FRYL: variants seen among roughly 807,000 people sequenced by gnomAD.
FRYL encodes the protein FRY like transcription coactivator.
A neutral mutation model predicts 351.2 loss-of-function variants in FRYL; 150 were observed. The observed-to-expected ratio is 0.43, with a 90% CI of 0.37 to 0.49. FRYL has a LOEUF of 0.49. Among genes scored for constraint, FRYL ranks in the 20% least tolerant of loss-of-function variants. The probability of loss-of-function intolerance (pLI) is 0.00; values close to 1 mark genes in which losing one functional copy is unlikely to be tolerated. For missense variants in FRYL, 3,036 were observed against 3,619.3 expected, an observed-to-expected ratio of 0.84 and a Z score of 4.13; for synonymous variants, 1,153 against 1,257.1, an observed-to-expected ratio of 0.92 and a Z score of 1.75.
At chr4:48,592,099 T>TCTAAGTATATATATATATAAA (rs1553941998) in intron 16 of FRYL, among the ~76,000 whole-genome samples, 17 of 40,218 alleles carry the variant, frequency 4.2e-4, no homozygotes, top group African/African-American at 8.1e-4. Flanking sequence ...TATATATATA[T>TCTAAGTATATATATATATAAA]ATATATATAT....
At chr4:48,587,501 G>A (rs1017339268) in intron 18 of FRYL, among the ~76,000 whole-genome samples, 1 of 151,768 alleles carries the variant, frequency 6.6e-6, no homozygotes, top group African/African-American at 2.4e-5. Flanking sequence ...TCCTTATGTA[G>A]AAAAGAATTT....
chr4:48,592,466 GA>G (rs1292364573), intron 16 of FRYL, among the ~76,000 whole-genome samples: 1 of 151,524 alleles, frequency 6.6e-6, no homozygotes, highest in Non-Finnish European at 1.5e-5. Flanking sequence ...CTCCCCCACA[GA>G]AAAAAACCCA....
chr4:48,656,246 T>C (rs1758947799), intron 3 of FRYL, among the ~76,000 whole-genome samples: 1 of 94,426 alleles, frequency 1.1e-5, no homozygotes, highest in African/African-American at 4.4e-5. Flanking sequence ...ATATATATTA[T>C]GAATATATAT....
intron 5 of FRYL, among the ~76,000 whole-genome samples, chr4:48,621,064 AT>A (rs929089934): frequency 6.6e-6 from 1 of 152,184 alleles, no homozygotes; most frequent in Non-Finnish European, 1.5e-5. Flanking sequence ...CATTAGTAAC[AT>A]CCCTGATTAA....
At chr4:48,521,730 T>C (rs913069103) in intron 54 of FRYL, among the ~76,000 whole-genome samples, 3 of 152,206 alleles carry the variant, frequency 2.0e-5, no homozygotes, top group East Asian at 1.9e-4. Context: ...GGGTGCATCG[T>C]AGACAGTCAG....
chr4:48,720,371 C>T (rs1769336848), intron 1 of FRYL, among the ~76,000 whole-genome samples: 1 of 151,910 alleles, frequency 6.6e-6, no homozygotes, highest in Non-Finnish European at 1.5e-5. Context: ...GTGGCATGCA[C>T]CTGTAATCCC....
chr4:48,527,793 A>G (rs1726591396), intron 52 of FRYL, 140 bp from the exon 53 acceptor site: 1 of 997,782 alleles, frequency 1.0e-6, no homozygotes, highest in African/African-American at 1.6e-5. Flanking sequence ...ATGTTTAACT[A>G]GTTGAACACA....
At chr4:48,742,555 G>C (rs1772211994) in intron 1 of FRYL, among the ~76,000 whole-genome samples, 1 of 152,092 alleles carries the variant, frequency 6.6e-6, no homozygotes, top group African/African-American at 2.4e-5. Flanking sequence ...AAAATAGATT[G>C]ATATTGTCAG....
intron 50 of FRYL, 116 bp downstream of exon 50, chr4:48,531,040 T>A: frequency 1.4e-6 from 1 of 710,982 alleles, no homozygotes; most frequent in South Asian, 1.8e-5. Context: ...ATAACAGCTA[T>A]CATATTGTCT....
chr4:48,499,938 T>C, intron 63 of FRYL, 92 bp downstream of exon 63: 1 of 947,370 alleles, frequency 1.1e-6, no homozygotes, highest in Non-Finnish European at 1.6e-6. Context: ...AAAGACATGA[T>C]ATGGAAACAG....
At chr4:48,757,422 C>T (rs896145578) in intron 1 of FRYL, among the ~76,000 whole-genome samples, 2 of 152,188 alleles carry the variant, frequency 1.3e-5, no homozygotes, top group Admixed American at 1.3e-4. Flanking sequence ...GGGCAAAAAT[C>T]ACAAGCATTC....
In FRYL at chr4:48,549,123, C is replaced by T. The variant is rs962794748; in HGVS notation, c.4785-330G>A. ...ACATTTTGAAAGAATGCAGTAATTG[C>T]TCTATTGTGATTTTGCTAAGTAGAA... On this transcript the variant is annotated intron_variant, in intron 39 of 63. Coordinates refer to ENST00000358350, the MANE Select transcript of FRYL (RefSeq NM_015030.2). This position sits in a 1 kb window ranked among gnomAD's most constrained non-coding sequence, Gnocchi z 4.2. Among the ~76,000 whole-genome samples, 1 of 152,084 alleles carries T rather than the reference C, an allele frequency of 6.6e-6. No individual in the cohort carries two copies. The highest frequency in any genetic ancestry group is 1.9e-4 in the East Asian group (1 of 5,196).
At chr4:48,590,197 T>C (rs1340179689) in intron 17 of FRYL, among the ~76,000 whole-genome samples, 3 of 152,098 alleles carry the variant, frequency 2.0e-5, no homozygotes, top group Non-Finnish European at 4.4e-5. Context: ...ACGTATTCAC[T>C]GTGGGCTGAG....
chr4:48,692,339 A>T (rs1765751967), intron 2 of FRYL, among the ~76,000 whole-genome samples: 1 of 152,032 alleles, frequency 6.6e-6, no homozygotes, highest in Admixed American at 6.6e-5. Context: ...CTCCTTTATG[A>T]TTATTTCCTG....
At chr4:48,530,858 CT>C (rs1405229491) in intron 50 of FRYL, among the ~76,000 whole-genome samples, 3 of 152,148 alleles carry the variant, frequency 2.0e-5, no homozygotes, top group Admixed American at 6.5e-5. Context: ...TCCCCTAGCA[CT>C]TTTAATGTAT....
At chr4:48,768,805 A>AT (rs932235082) in intron 1 of FRYL, among the ~76,000 whole-genome samples, 2 of 151,754 alleles carry the variant, frequency 1.3e-5, no homozygotes, top group African/African-American at 4.8e-5. Flanking sequence ...AAAAAAAAAA[A>AT]GGTACAATTC....
chr4:48,707,215 A>G (rs564365130), intron 2 of FRYL, among the ~76,000 whole-genome samples: 1 of 152,266 alleles, frequency 6.6e-6, no homozygotes, highest in East Asian at 1.9e-4. Context: ...TTGCATCATG[A>G]TTTTTTTATA....
chr4:48,721,292 G>A (rs1201918965), intron 1 of FRYL, among the ~76,000 whole-genome samples: 9 of 152,150 alleles, frequency 5.9e-5, no homozygotes, highest in Non-Finnish European at 1.0e-4. Context: ...GGGCAGGAAT[G>A]GGGAAGTACA....
chr4:48,688,465 C>A (rs1368359140), intron 2 of FRYL, among the ~76,000 whole-genome samples: 3 of 152,076 alleles, frequency 2.0e-5, no homozygotes, highest in Non-Finnish European at 4.4e-5. Flanking sequence ...TTGTTTATAT[C>A]TGACTGGTAA....
Sources: allele counts gnomAD v4.1 joint callset (sites outside exome capture counted in the v4.1 genomes callset), GRCh38; gene constraint gnomAD v4.1.1; non-coding constraint Gnocchi (gnomAD v3.1); transcripts MANE v1.5; gene names NCBI Gene and HGNC (gene_info 2026-07-23, HGNC 2026-07-21).